EYS: variants seen among roughly 807,000 people sequenced by gnomAD.
EYS encodes protein eyes shut homolog.
EYS carries 250 observed loss-of-function variants against 282.1 expected under a neutral mutation model. The observed-to-expected ratio is 0.89, with a 90% CI of 0.80 to 0.98. EYS has a LOEUF of 0.98. Among genes scored for constraint, EYS ranks in the 50% least tolerant of loss-of-function variants. The pLI is 0.00. For missense variants in EYS, 4,016 were observed against 3,709.0 expected (o/e 1.08, Z -2.15); for synonymous variants, 1,355 against 1,282.9 (o/e 1.06, Z -1.20).
intron 1 of EYS, among the ~76,000 whole-genome samples, chr6:65,705,758 T>C (rs1285457650): frequency 6.6e-6 from 1 of 152,146 alleles, no homozygotes; most frequent in African/African-American, 2.4e-5. Flanking sequence ...CCCTTTTCCT[T>C]TCTAAATAGT....
At chr6:64,375,557 G>A (rs116785989) in intron 29 of EYS, among the ~76,000 whole-genome samples, 2,880 of 152,254 alleles carry the variant, frequency 0.019, 33 homozygotes, top group Non-Finnish European at 0.031. Context: ...TGAGGGTGTG[G>A]GGTAGGAGAT....
chr6:65,120,985 C>G (rs771127090), intron 12 of EYS, among the ~76,000 whole-genome samples: 43 of 152,080 alleles, frequency 2.8e-4, no homozygotes, highest in Non-Finnish European at 5.0e-4. Flanking sequence ...CATCCTATGT[C>G]CCATATTCTT....
intron 31 of EYS, among the ~76,000 whole-genome samples, chr6:64,229,306 AG>A (rs1247119255): frequency 2.0e-5 from 3 of 152,160 alleles, no homozygotes; most frequent in African/African-American, 7.2e-5. Flanking sequence ...GTATTTTTTA[AG>A]ACTCCACCTA....
intron 29 of EYS, among the ~76,000 whole-genome samples, chr6:64,375,087 T>C (rs958641861): frequency 2.0e-5 from 3 of 152,204 alleles, no homozygotes; most frequent in African/African-American, 7.2e-5. Context: ...ATAAATATCT[T>C]AGTCAGAAAG....
At chr6:63,730,796 C>T (rs543700666) in intron 41 of EYS, among the ~76,000 whole-genome samples, 5 of 152,060 alleles carry the variant, frequency 3.3e-5, no homozygotes, top group East Asian at 3.9e-4. Flanking sequence ...GCAAGGTGGG[C>T]GGATCACGAG....
chr6:64,560,333 T>C (rs73767344), intron 26 of EYS, among the ~76,000 whole-genome samples: 4,611 of 152,070 alleles, frequency 0.03, 154 homozygotes, highest in East Asian at 0.11. Flanking sequence ...TTCTTCTCTG[T>C]CAAGATTATA....
At chr6:64,242,240 ATCTG>A (rs1371473772) in intron 30 of EYS, among the ~76,000 whole-genome samples, 12 of 152,076 alleles carry the variant, frequency 7.9e-5, no homozygotes, top group Non-Finnish European at 1.5e-5. Flanking sequence ...TGTCTTGTTG[ATCTG>A]TCTAATATTG....
chr6:64,213,181 T>A (rs1410823843), intron 31 of EYS, among the ~76,000 whole-genome samples: 1 of 152,116 alleles, frequency 6.6e-6, no homozygotes, highest in Non-Finnish European at 1.5e-5. Flanking sequence ...GACGCAAGTT[T>A]ACCTATGTAA....
intron 5 of EYS, among the ~76,000 whole-genome samples, chr6:65,423,444 G>A (rs1767542204): frequency 1.3e-5 from 2 of 151,900 alleles, no homozygotes; most frequent in South Asian, 4.1e-4. Context: ...GGAGTCAAAT[G>A]TTAGCCAATG....
At chr6:64,354,078 A>C (rs1209337504) in intron 29 of EYS, among the ~76,000 whole-genome samples, 3 of 151,588 alleles carry the variant, frequency 2.0e-5, no homozygotes, top group African/African-American at 4.8e-5. Flanking sequence ...AAAGCACTAG[A>C]TGCTCACCCA....
chr6:65,219,650 TCAAAA>T (rs1432619311), intron 12 of EYS, among the ~76,000 whole-genome samples: 1 of 152,066 alleles, frequency 6.6e-6, no homozygotes, highest in Non-Finnish European at 1.5e-5. Context: ...AGCACAGAAG[TCAAAA>T]ACAATAATTG....
At chr6:64,296,592 ATATATATTTTTTTT>A (rs1561913868) in intron 30 of EYS, among the ~76,000 whole-genome samples, 10 of 4,506 alleles carry the variant, frequency 2.2e-3, no homozygotes, top group Admixed American at 0.011. Context: ...ATACATATAT[ATATATATTTTTTTT>A]TTTTTTTTTT....
At chr6:65,032,027 C>A (rs1245092543) in intron 13 of EYS, among the ~76,000 whole-genome samples, 2 of 151,926 alleles carry the variant, frequency 1.3e-5, no homozygotes, top group African/African-American at 2.4e-5. Context: ...TCAGAAATGA[C>A]AAAAGGGACA....
intron 35 of EYS, among the ~76,000 whole-genome samples, chr6:63,964,095 C>A (rs1369372153): frequency 6.6e-6 from 1 of 151,518 alleles, no homozygotes; most frequent in Non-Finnish European, 1.5e-5. Context: ...GTTTTTTTTT[C>A]CAGTGGAAGT....
At chr6:65,437,432 C>A (rs1017701414) in intron 5 of EYS, among the ~76,000 whole-genome samples, 3 of 152,038 alleles carry the variant, frequency 2.0e-5, no homozygotes, top group African/African-American at 7.2e-5. Context: ...GGGATTTCTT[C>A]AGTATGCAGT....
intron 12 of EYS, among the ~76,000 whole-genome samples, chr6:65,094,983 C>G (rs370580158): frequency 1.3e-5 from 2 of 149,738 alleles, no homozygotes; most frequent in African/African-American, 2.5e-5. Flanking sequence ...AGAGACTACT[C>G]AAAATAAAAA....
intron 12 of EYS, among the ~76,000 whole-genome samples, chr6:65,145,107 C>T (rs1764444168): frequency 6.6e-6 from 1 of 150,648 alleles, no homozygotes; most frequent in Non-Finnish European, 1.5e-5. Flanking sequence ...CATTCTTCAC[C>T]TTAATAACTA....
At chr6:65,317,599 A>G (rs1307081792) in intron 11 of EYS, among the ~76,000 whole-genome samples, 2 of 152,130 alleles carry the variant, frequency 1.3e-5, no homozygotes, top group Admixed American at 1.3e-4. Flanking sequence ...AGGCAAGGAA[A>G]TCTAGGGGCA....
chr6:64,709,773 A>AT (rs1307487632), intron 22 of EYS, among the ~76,000 whole-genome samples: 1 of 152,240 alleles, frequency 6.6e-6, no homozygotes, highest in Non-Finnish European at 1.5e-5. Flanking sequence ...TAAGCTATGC[A>AT]TTAATATGAT....
Sources: allele counts gnomAD v4.1 joint callset (sites outside exome capture counted in the v4.1 genomes callset), GRCh38; gene constraint gnomAD v4.1.1; transcripts MANE v1.5; gene names NCBI Gene and HGNC (gene_info 2026-07-23, HGNC 2026-07-21).